MYBPC2: variants seen among roughly 807,000 people sequenced by gnomAD.
MYBPC2 encodes the protein myosin-binding protein C, fast-type.
A neutral mutation model predicts 137.0 loss-of-function variants in MYBPC2; 122 were observed. The observed-to-expected ratio is 0.89, with a 90% confidence interval of 0.77 to 1.03. MYBPC2 has a LOEUF of 1.03. Among genes scored for constraint, MYBPC2 ranks in the 50% least tolerant of loss-of-function variants. The probability of loss-of-function intolerance (pLI) is 0.00; values close to 1 mark genes in which losing one functional copy is unlikely to be tolerated. For synonymous variants in MYBPC2, 626 were observed against 612.3 expected, an observed-to-expected ratio of 1.02 and a Z score of -0.33; for missense variants, 1,500 against 1,534.4, an observed-to-expected ratio of 0.98 and a Z score of 0.37.
chr19:50,437,672 T>A lies in MYBPC2; in HGVS notation c.526T>A (p.Ser176Thr), dbSNP rs769705981. The A allele has an allele frequency of 3.7e-6, 6 of 1,604,458 alleles. No homozygotes were observed. The South Asian group carries it at 4.5e-5, about 12-fold the overall frequency. ...CAATGGCCACAGGAGTGAAAAGAAG[T>A]CGGATACTGCAGGTGAGCTGGATTT... ...ESFKRTSEKK[S>T]DTAGELDFSG... is the part of the protein sequence containing the mutation. Residue 176 changes from serine to threonine, a missense_variant, in exon 7 of 28, where the codon TCG (serine) becomes ACG (threonine). Physicochemically the swap from Ser to Thr is moderately conservative, Grantham distance 58 (BLOSUM62 1). Coordinates refer to ENST00000357701, the MANE Select transcript of MYBPC2 (RefSeq NM_004533.4).
rs749160586 is a variant in MYBPC2 at position 50,435,801 on chromosome 19, G to A, written c.135G>A (p.Pro45=). 1.6e-5 allele frequency: 25 copies of A among 1,611,580 alleles called. No individual in the cohort carries two copies. Among genetic ancestry groups the A allele is most frequent in the East Asian group, 8.9e-5 (4 of 44,820 alleles). Residue 45 remains proline, a synonymous_variant, in exon 3 of 28, where the codon CCG becomes CCA. Coordinates refer to ENST00000357701, the MANE Select transcript of MYBPC2 (RefSeq NM_004533.4). The surrounding 1 kb of genome is among the most constrained non-coding windows in gnomAD (Gnocchi z 4.8). ...AAGCCCCACCCGAGGACCAGTCCCCGACTGCAGAGGAGCCCACCGGCGTTT... is the reference window on the plus strand; with the variant it reads ...AAGCCCCACCCGAGGACCAGTCCCCAACTGCAGAGGAGCCCACCGGCGTTT... ...PKEAPPEDQS[P]TAEEPTGVFL...
In MYBPC2 at chr19:50,464,352, G is replaced by T. The variant is rs1349796472; in HGVS notation, c.3235G>T (p.Val1079Leu). 1 of 1,605,800 alleles carries T rather than the reference G, an allele frequency of 6.2e-7. No individual in the cohort carries two copies. Among genetic ancestry groups the T allele is most frequent in the Non-Finnish European group, 8.5e-7 (1 of 1,176,400 alleles). ...CTCCCTTGACTCTCAACAGCCGAAG[G>T]TGGTCTGGATGAAGAACAAGATGGA... ...CAVRGHPKPK[V>L]VWMKNKMEIR... The change falls in exon 27 of 28, where the codon GTG becomes TTG. Residue 1079 changes from valine (V) to leucine (L), a missense_variant. Transcript: ENST00000357701.
chr19:50,464,112 G>A, intron 26 of MYBPC2: 1 of 447,362 alleles, frequency 2.2e-6, no homozygotes, highest in South Asian at 2.4e-5. Flanking sequence ...TACAAACAGT[G>A]AGCTCTTTGT....
chr19:50,458,941 C>A lies in MYBPC2; in HGVS notation c.2530C>A (p.Arg844Ser), dbSNP rs202035202. 6.2e-7 allele frequency: 1 copy of A among 1,612,366 alleles called. No individual in the cohort carries two copies. The highest frequency in any genetic ancestry group is 1.3e-5 in the African/African-American group (1 of 74,906). The change falls in exon 22 of 28, where the codon CGC (arginine) becomes AGC (serine). Residue 844 changes from arginine to serine, a missense_variant. By Grantham distance (110) the Arg-to-Ser change is moderately radical. Transcript: ENST00000357701. Reference protein sequence around the residue: ...IAEPPKIRLPRHLRQTYIRKV... With the variant: ...IAEPPKIRLPSHLRQTYIRKV... Reference sequence around the variant, plus strand: ...AGAGCCACCCAAGATCCGGCTTCCCCGCCATCTCCGCCAGACCTACATCCG... The same window carrying A: ...AGAGCCACCCAAGATCCGGCTTCCCAGCCATCTCCGCCAGACCTACATCCG...
intron 15 of MYBPC2, 44 bp downstream of exon 15, chr19:50,451,353 G>T: frequency 6.2e-7 from 1 of 1,606,822 alleles, no homozygotes. Flanking sequence ...GAGGGAGGAG[G>T]GACCGGGCTG....
chr19:50,433,673 GCATGAGCCGC>G (rs2039677961), intron 1 of MYBPC2, among the ~76,000 whole-genome samples: 1 of 152,014 alleles, frequency 6.6e-6, no homozygotes, highest in South Asian at 2.1e-4. Flanking sequence ...GGGATGACAG[GCATGAGCCGC>G]CGAGCCCGGC....
intron 20 of MYBPC2, among the ~76,000 whole-genome samples, chr19:50,456,854 C>T (rs747928622): frequency 6.6e-6 from 1 of 152,202 alleles, no homozygotes; most frequent in Non-Finnish European, 1.5e-5. Flanking sequence ...GTCTCTCTGC[C>T]TGTCCATCCA....
intron 16 of MYBPC2, among the ~76,000 whole-genome samples, 151 bp downstream of exon 16, chr19:50,452,154 A>G (rs954200226): frequency 3.3e-5 from 5 of 152,226 alleles, no homozygotes; most frequent in African/African-American, 1.2e-4. Context: ...TTTGTCCATC[A>G]CAGGTATGGG....
chr19:50,434,002 C>T lies in MYBPC2; in HGVS notation c.19+1030C>T, dbSNP rs187928706. On this transcript the variant is annotated intron_variant, in intron 1 of 27. Transcript: ENST00000357701. ...TTGAGGCTGCAGTGAGCTGTGATCA[C>T]GTCACTGCACTCCAGCCTGGGTGAC... Among the ~76,000 whole-genome samples the T allele has an allele frequency of 4.7e-3, 713 of 152,222 alleles. 1 individual carries two copies. Among genetic ancestry groups the T allele is most frequent in the Non-Finnish European group, 6.9e-3 (471 of 67,996 alleles).
Position 50,459,259 on chromosome 19 carries a change from A to G in MYBPC2, c.2744A>G (p.Gln915Arg). The G allele has an allele frequency of 6.2e-7, 1 of 1,611,048 alleles. No homozygotes were observed. ...SDSGEYELSVQIENMKDTATI... is the reference protein window; with the variant it reads ...SDSGEYELSVRIENMKDTATI... ...TCCGGGGAGTACGAGCTGAGCGTGC[A>G]GATCGAGAACATGAAGGACACCGCC... is the stretch of plus-strand genomic sequence containing the variant. The change falls in exon 23 of 28, where the codon CAG (glutamine) becomes CGG (arginine). Residue 915 changes from glutamine to arginine, a missense_variant. By Grantham distance (43) the Gln-to-Arg change is conservative (BLOSUM62 1). Coordinates refer to ENST00000357701, the MANE Select transcript of MYBPC2 (RefSeq NM_004533.4).
At chr19:50,463,059 A>C (rs1283094772) in intron 26 of MYBPC2, among the ~76,000 whole-genome samples, 1 of 152,222 alleles carries the variant, frequency 6.6e-6, no homozygotes, top group Admixed American at 6.5e-5. Flanking sequence ...GAACAGGGAC[A>C]CTTGCAACCT....
At chr19:50,460,445 G>A (rs138135368) in intron 24 of MYBPC2, among the ~76,000 whole-genome samples, 1 of 152,280 alleles carries the variant, frequency 6.6e-6, no homozygotes, top group Non-Finnish European at 1.5e-5. Context: ...CTGCAGGGTT[G>A]TGCAGCCACC....
chr19:50,460,292 G>A, intron 24 of MYBPC2, 113 bp downstream of exon 24: 1 of 1,414,642 alleles, frequency 7.1e-7, no homozygotes, highest in Non-Finnish European at 9.4e-7. Context: ...CTAGAGGACG[G>A]GCTGGGGCCA....
chr19:50,439,224 C>A (rs907901887), intron 7 of MYBPC2, among the ~76,000 whole-genome samples: 2 of 113,370 alleles, frequency 1.8e-5, no homozygotes, highest in Non-Finnish European at 3.6e-5. Context: ...CCTGTCTTCC[C>A]CCAACCCATC....
chr19:50,448,047 C>A (rs1342556528), intron 12 of MYBPC2, among the ~76,000 whole-genome samples, 178 bp from the exon 13 acceptor site: 1 of 152,110 alleles, frequency 6.6e-6, no homozygotes, highest in Non-Finnish European at 1.5e-5. Context: ...TCCTCTGTTT[C>A]TTTCTTCACT....
rs910933573 is a variant in MYBPC2 at position 50,435,632 on chromosome 19, C to G, written c.110-144C>G. 3 of 719,004 alleles carry G rather than the reference C, an allele frequency of 4.2e-6. No homozygotes were observed. The highest frequency in any genetic ancestry group is 6.8e-6 in the Non-Finnish European group (3 of 439,746). The allele number at this position is 719,004 out of a possible 1,614,324, so 44.5% of individuals were successfully genotyped here. ...GGGTGACAGGTGGCCTTTCCCAGGT[C>G]AGGAAAAGCCATTTAACCCCCATGA... is the stretch of plus-strand genomic sequence containing the variant. On this transcript the variant is annotated intron_variant, in intron 2 of 27. Transcript: ENST00000357701. The surrounding 1 kb of genome is among the most constrained non-coding windows in gnomAD (Gnocchi z 4.8).
At position 50,462,430 on chromosome 19, in the gene MYBPC2, C is replaced by T. The variant is rs533897792; in HGVS notation, c.3228+394C>T. ...AACTCCTAGGCTCAAGTGATTCTCC[C>T]GCCTCGGCCTCCCAAAGTGCTGGGA... On this transcript the variant is annotated intron_variant, in intron 26 of 27. Coordinates refer to ENST00000357701, the MANE Select transcript of MYBPC2 (RefSeq NM_004533.4). Among the ~76,000 whole-genome samples, 36 of 152,068 alleles carry T rather than the reference C, an allele frequency of 2.4e-4. No homozygotes were observed. In the South Asian group the frequency reaches 4.6e-3, roughly 19 times the overall value.
chr19:50,454,256 C>T lies in MYBPC2; in HGVS notation c.1910-9C>T. On this transcript the variant is annotated splice_polypyrimidine_tract_variant and intron_variant, in intron 17 of 27. Coordinates refer to ENST00000357701, the MANE Select transcript of MYBPC2 (RefSeq NM_004533.4). ...TCGAGGGGCCACCTGACTCTCCTGC[C>T]CCCTGCAGATGTCCCAGACCCCCCG... 1 of 1,613,848 alleles carries T rather than the reference C, an allele frequency of 6.2e-7. No individual in the cohort carries two copies.
intron 7 of MYBPC2, 115 bp from the exon 8 acceptor site, chr19:50,440,765 A>T: frequency 9.7e-7 from 1 of 1,032,038 alleles, no homozygotes. Context: ...AAACAATAAG[A>T]CCCCTAAAGG....
Sources: gnomAD v4.1 joint callset for allele counts (sites outside exome capture counted in the v4.1 genomes callset) on GRCh38, gnomAD v4.1.1 for gene constraint, Gnocchi (gnomAD v3.1) non-coding constraint, MANE v1.5 for transcripts, NCBI Gene and HGNC (gene_info 2026-07-23, HGNC 2026-07-21) for gene names.